The following PXK variants were observed in gnomAD, a reference collection of about 807,000 sequenced individuals.
PXK encodes PX domain containing serine/threonine kinase like.
In PXK, 35 loss-of-function variants were observed where a neutral mutation model predicts 84.7. That is an observed-to-expected ratio of 0.41 (90% CI 0.32 to 0.55). The LOEUF is 0.55. Ranked by LOEUF, PXK falls within the 20% of genes least tolerant of loss-of-function variation. The pLI is 0.21. For missense variants in PXK, 634 were observed against 699.7 expected, an observed-to-expected ratio of 0.91 and a Z score of 1.06; for synonymous variants, 253 against 260.8, an observed-to-expected ratio of 0.97 and a Z score of 0.29.
intron 17 of PXK, chr3:58,422,645 T>C: frequency 1.0e-6 from 1 of 985,378 alleles, no homozygotes; most frequent in Non-Finnish European, 1.2e-6. Context: ...TTTGCACTTC[T>C]AATTTTGAGG....
intron 1 of PXK, among the ~76,000 whole-genome samples, chr3:58,335,640 C>T (rs959964872): frequency 6.9e-6 from 1 of 144,884 alleles, no homozygotes; most frequent in Non-Finnish European, 1.5e-5. Context: ...AATGCTGAAT[C>T]TCTAGGAAGT....
At position 58,378,506 on chromosome 3, in the gene PXK, TTTTTTTTGTGTGTGTGTGTGTGTGTG is replaced by T. The variant is rs1276603080; in HGVS notation, c.202-4006_202-3981del. Among the ~76,000 whole-genome samples the T allele has an allele frequency of 3.0e-3, 197 of 66,460 alleles. 3 individuals carry two copies. Among genetic ancestry groups the T allele is most frequent in the Non-Finnish European group, 4.9e-3 (159 of 32,304 alleles). The allele number at this position is 66,460 out of a possible 152,430, so 43.6% of individuals were successfully genotyped here. A position where few individuals can be genotyped will look rare whatever the true frequency, so the allele number is the denominator to read the frequency against. ...TCATTTTTCTTCTTTTTTTTTTTTT[TTTTTTTTGTGTGTGTGTGTGTGTGTG>T]TGTGTGTGTGTGTGTGTGTGTGACG... is the stretch of plus-strand genomic sequence containing the variant. On this transcript the variant is annotated intron_variant, in intron 3 of 17. Coordinates refer to ENST00000356151, the MANE Select transcript of PXK (RefSeq NM_017771.5).
chr3:58,389,736 A>T (rs1054769350), intron 4 of PXK, among the ~76,000 whole-genome samples: 15 of 151,690 alleles, frequency 9.9e-5, no homozygotes, highest in African/African-American at 3.1e-4. Flanking sequence ...GCAGTGGCTC[A>T]TGCCTGTAGT....
Position 58,421,803 on chromosome 3 carries a change from A to G in PXK, c.1529-2949A>G, listed in dbSNP as rs762375041. Reference sequence around the variant, plus strand: ...TAGTTGGCTCTCAGGGATTTTGTCTAAGAGAAAGTGAGATGGGAGAAATCG... The same window carrying G: ...TAGTTGGCTCTCAGGGATTTTGTCTGAGAGAAAGTGAGATGGGAGAAATCG... On this transcript the variant is annotated intron_variant, in intron 17 of 17. Coordinates refer to ENST00000356151, the MANE Select transcript of PXK (RefSeq NM_017771.5). The surrounding 1 kb of genome is among the most constrained non-coding windows in gnomAD (Gnocchi z 5.5). 6 of 985,430 alleles carry G rather than the reference A, an allele frequency of 6.1e-6. No individual in the cohort carries two copies. Among genetic ancestry groups the G allele is most frequent in the Non-Finnish European group, 7.2e-6 (6 of 829,938 alleles). 61.0% of individuals were successfully genotyped at this position (985,430 alleles called of 1,614,324 possible).
At chr3:58,392,352 G>A (rs56097407) in intron 7 of PXK, among the ~76,000 whole-genome samples, 44,675 of 152,150 alleles carry the variant, frequency 0.29, 7,344 homozygotes, top group Middle Eastern at 0.39. Flanking sequence ...AAAGAACCAC[G>A]TTGATATATT....
At chr3:58,336,071 A>ATATATATATATATTTTTTTT (rs1284780630) in intron 1 of PXK, among the ~76,000 whole-genome samples, 1 of 51,572 alleles carries the variant, frequency 1.9e-5, no homozygotes, top group African/African-American at 1.0e-4. Flanking sequence ...ATATATATAT[A>ATATATATATATATTTTTTTT]TTTTTTTTTT....
rs1482887556 is a variant in PXK, at chr3:58,383,685, A to C, written c.388+985A>C. Among the ~76,000 whole-genome samples, 1 of 152,250 alleles carries C rather than the reference A, an allele frequency of 6.6e-6. No individual in the cohort carries two copies. Among genetic ancestry groups the C allele is most frequent in the Non-Finnish European group, 1.5e-5 (1 of 68,040 alleles). ...CTGATGTCAGCAGAATGAGAAACTAAATACTTAATACATTCTGGTGTCACT... is the reference window on the plus strand; with the variant it reads ...CTGATGTCAGCAGAATGAGAAACTACATACTTAATACATTCTGGTGTCACT... On this transcript the variant is annotated intron_variant, in intron 4 of 17. Transcript: ENST00000356151. This position sits in a 1 kb window ranked among gnomAD's most constrained non-coding sequence, Gnocchi z 4.0.
chr3:58,336,736 C>T (rs75276975), intron 1 of PXK, among the ~76,000 whole-genome samples: 3,878 of 152,246 alleles, frequency 0.025, 91 homozygotes, highest in South Asian at 0.067. Flanking sequence ...TTTTGGAAAG[C>T]GCTGTTATCA....
At position 58,365,944 on chromosome 3, in the gene PXK, T is replaced by TC; in HGVS notation, c.153+20_153+21insC. The TC allele has an allele frequency of 6.4e-7, 1 of 1,565,646 alleles. No individual in the cohort carries two copies. The highest frequency in any genetic ancestry group is 2.0e-5 in the Admixed American group (1 of 50,626). Reference sequence around the variant, plus strand: ...TGGCAGGTAAGCATCTTTTTTTTTTTTTTTGTCAATTAGAAAAATATTTAA... The same window carrying TC: ...TGGCAGGTAAGCATCTTTTTTTTTTTCTTTTGTCAATTAGAAAAATATTTAA... On this transcript the variant is annotated intron_variant, in intron 2 of 17. Coordinates refer to ENST00000356151, the MANE Select transcript of PXK (RefSeq NM_017771.5).
intron 2 of PXK, among the ~76,000 whole-genome samples, chr3:58,367,255 T>C (rs576195431): frequency 6.6e-6 from 1 of 152,202 alleles, no homozygotes; most frequent in African/African-American, 2.4e-5. Context: ...AAAGCTTTTT[T>C]TTTTTTTGAG....
At position 58,416,349 on chromosome 3, in the gene PXK, T is replaced by G. The variant is rs1475345503; in HGVS notation, c.1528+3386T>G. 2.0e-5 allele frequency among the ~76,000 whole-genome samples: 3 copies of G among 152,208 alleles called. No homozygotes were observed. The highest frequency in any genetic ancestry group is 1.5e-5 in the Non-Finnish European group (1 of 68,040). On this transcript the variant is annotated intron_variant, in intron 17 of 17. Coordinates refer to ENST00000356151, the MANE Select transcript of PXK (RefSeq NM_017771.5). The surrounding 1 kb of genome is among the most constrained non-coding windows in gnomAD (Gnocchi z 4.8). The stretch of plus-strand genomic sequence containing the variant: ...ATTTTTCTTAAAGGAACATTTGGAT[T>G]TTCCCTTATTTCCATGCCTTGAGGT...
rs572266674 is a variant in PXK at position 58,348,164 on chromosome 3, C to T, written c.102+15074C>T. 7.2e-5 allele frequency among the ~76,000 whole-genome samples: 11 copies of T among 152,310 alleles called. No individual in the cohort carries two copies. In the South Asian group the frequency reaches 2.1e-3, roughly 29 times the overall value. The stretch of plus-strand genomic sequence containing the variant: ...CCTCAAGTCATCCACCTACCTCTGC[C>T]TTCCAAAGTGCTGGGATTACAGGTG... On this transcript the variant is annotated intron_variant, in intron 1 of 17. Coordinates refer to ENST00000356151, the MANE Select transcript of PXK (RefSeq NM_017771.5).
At position 58,421,298 on chromosome 3, in the gene PXK, G is replaced by C. The variant is rs965169783; in HGVS notation, c.1529-3454G>C. 7.1e-6 allele frequency: 7 copies of C among 985,246 alleles called. No individual in the cohort carries two copies. The highest frequency in any genetic ancestry group is 8.4e-6 in the Non-Finnish European group (7 of 829,874). The allele number at this position is 985,246 out of a possible 1,614,324, so 61.0% of individuals were successfully genotyped here. On this transcript the variant is annotated intron_variant, in intron 17 of 17. Coordinates refer to ENST00000356151, the MANE Select transcript of PXK (RefSeq NM_017771.5). The surrounding 1 kb of genome is among the most constrained non-coding windows in gnomAD (Gnocchi z 5.5). ...ATGGGCCTAAGAGTCGGTGGGGAAG[G>C]GAGCCAGGCGCAGTGGCTCACATCT...
intron 4 of PXK, among the ~76,000 whole-genome samples, chr3:58,387,154 G>A (rs910999945): frequency 6.6e-6 from 1 of 152,154 alleles, no homozygotes; most frequent in African/African-American, 2.4e-5. Context: ...AGCTCTGTGG[G>A]AAGTACAGGA....
Position 58,421,453 on chromosome 3 carries a change from C to A in PXK, c.1529-3299C>A. On this transcript the variant is annotated intron_variant, in intron 17 of 17. Transcript: ENST00000356151. This position sits in a 1 kb window ranked among gnomAD's most constrained non-coding sequence, Gnocchi z 5.5. ...AAAATTAGGTGGGCATGGTACCACG[C>A]GCCTGTAATCCCAGCTACTCGGGAG... 4 of 763,568 alleles carry A rather than the reference C, an allele frequency of 5.2e-6. No homozygotes were observed. Among genetic ancestry groups the A allele is most frequent in the Non-Finnish European group, 6.4e-6 (4 of 626,994 alleles). 47.3% of individuals were successfully genotyped at this position (763,568 alleles called of 1,614,324 possible).
rs2098481566 is a variant in PXK, at chr3:58,379,866, A to G, written c.202-2648A>G. Among the ~76,000 whole-genome samples, 1 of 152,048 alleles carries G rather than the reference A, an allele frequency of 6.6e-6. No homozygotes were observed. The highest frequency in any genetic ancestry group is 2.4e-5 in the African/African-American group (1 of 41,400). ...CCAGCTACAGGTGTGTACCACTTGT[A>G]GAGGCTGAGGTGACAGGATTGCTTG... On this transcript the variant is annotated intron_variant, in intron 3 of 17. Coordinates refer to ENST00000356151, the MANE Select transcript of PXK (RefSeq NM_017771.5). The surrounding 1 kb of genome is among the most constrained non-coding windows in gnomAD (Gnocchi z 5.1).
intron 1 of PXK, among the ~76,000 whole-genome samples, chr3:58,355,395 G>A (rs1392256246): frequency 6.6e-6 from 1 of 152,206 alleles, no homozygotes; most frequent in Non-Finnish European, 1.5e-5. Context: ...TGTGCCGAAA[G>A]GGAAGAGAGA....
At chr3:58,335,732 A>T (rs73835173) in intron 1 of PXK, among the ~76,000 whole-genome samples, 1 of 151,998 alleles carries the variant, frequency 6.6e-6, no homozygotes, top group East Asian at 1.9e-4. Flanking sequence ...TACAGGTCTG[A>T]GCTGATACTT....
Position 58,414,310 on chromosome 3 carries a change from G to T in PXK, c.1528+1347G>T, listed in dbSNP as rs2060648920. On this transcript the variant is annotated intron_variant, in intron 17 of 17. Transcript: ENST00000356151. This position sits in a 1 kb window ranked among gnomAD's most constrained non-coding sequence, Gnocchi z 4.5. The stretch of plus-strand genomic sequence containing the variant: ...TCCTCCTTTAACAAGCAAGGCACTT[G>T]AGGCGTCTGTTTAAGGGTTCACAGC... The T allele has an allele frequency of 6.6e-6, 1 of 152,196 alleles. No individual in the cohort carries two copies. The highest frequency in any genetic ancestry group is 1.5e-5 in the Non-Finnish European group (1 of 68,038). 9.4% of individuals were successfully genotyped at this position (152,196 alleles called of 1,614,324 possible).
Sources: allele counts gnomAD v4.1 joint callset (sites outside exome capture counted in the v4.1 genomes callset), GRCh38; gene constraint gnomAD v4.1.1; non-coding constraint Gnocchi (gnomAD v3.1); transcripts MANE v1.5; gene names NCBI Gene and HGNC (gene_info 2026-07-23, HGNC 2026-07-21).